CCDC157: variants seen among roughly 807,000 people sequenced by gnomAD.
CCDC157 encodes the protein coiled-coil domain-containing protein 157.
Under a neutral mutation model 70.9 loss-of-function variants are expected in CCDC157, and 60 were observed. The observed-to-expected ratio is 0.85, with a 90% confidence interval of 0.69 to 1.05. The LOEUF is 1.05. Among genes scored for constraint, CCDC157 ranks in the 50% least tolerant of loss-of-function variants. The probability of loss-of-function intolerance (pLI) is 0.00; values close to 1 mark genes in which losing one functional copy is unlikely to be tolerated. For missense variants in CCDC157, 943 were observed against 984.2 expected (o/e 0.96, Z 0.56); for synonymous variants, 373 against 422.4 (o/e 0.88, Z 1.43).
In CCDC157 at chr22:30,366,139, G is replaced by A. The variant is rs199951971; in HGVS notation, c.139G>A (p.Ala47Thr). 1 of 1,613,558 alleles carries A rather than the reference G, an allele frequency of 6.2e-7. No individual in the cohort carries two copies. Residue 47 changes from alanine to threonine, a missense_variant, in exon 3 of 12, where the codon GCC (alanine) becomes ACC (threonine). Coordinates refer to ENST00000338306, the MANE Select transcript of CCDC157 (RefSeq NM_001017437.5). ...CTCCTGGAAGTTCCCTGACCGCATG[G>A]CCTGTGACCTCGACATGGTGGCCCT... The part of the protein sequence containing the change: ...FPSWKFPDRM[A>T]CDLDMVALLE...
Position 30,375,562 on chromosome 22 carries a change from C to T in CCDC157, c.1756C>T (p.Gln586Ter), listed in dbSNP as rs1275344196. The T allele has an allele frequency of 1.2e-6, 2 of 1,614,082 alleles. No individual in the cohort carries two copies. The highest frequency in any genetic ancestry group is 3.3e-5 in the Admixed American group (2 of 60,010). ...NVTDHMERQV[Q>*]SNDIRIRVLQ... ...CACAGATCACATGGAGAGGCAAGTG[C>T]AGTCCAACGACATCCGCATCCGGGT... The change falls in exon 10 of 12, where the codon CAG (glutamine) becomes TAG (stop). Residue 586 changes from glutamine (Q) to a stop codon, truncating the protein, a stop_gained. Transcript: ENST00000338306. LOFTEE classifies it high-confidence loss of function.
Position 30,376,598 on chromosome 22 carries a change from G to A in CCDC157, c.2112G>A (p.Gln704=), listed in dbSNP as rs771688983. The A allele has an allele frequency of 1.2e-5, 20 of 1,612,296 alleles. 1 individual carries two copies. Among genetic ancestry groups the A allele is most frequent in the South Asian group, 3.3e-5 (3 of 91,056 alleles). ...CTSPSRQPCS[Q]PSKSLLEGVT... ...CCCCATCTCGGCAGCCCTGCAGCCA[G>A]CCCAGCAAGTCCTTGCTGGAGGGTG... The change falls in exon 12 of 12, where the codon CAG becomes CAA. Residue 704 remains glutamine (Q), a synonymous_variant. Coordinates refer to ENST00000338306, the MANE Select transcript of CCDC157 (RefSeq NM_001017437.5).
In CCDC157 at chr22:30,378,017, T is replaced by G. The variant is rs909176900; in HGVS notation, c.*1272T>G. The G allele has an allele frequency of 3.3e-5, 14 of 427,492 alleles. No individual in the cohort carries two copies. The highest frequency in any genetic ancestry group is 6.9e-5 in the Non-Finnish European group (14 of 203,074). 26.5% of individuals were successfully genotyped at this position (427,492 alleles called of 1,614,324 possible). A position where few individuals can be genotyped will look rare whatever the true frequency, so the allele number is the denominator to read the frequency against. ...GAATTGGCTTCCAAGCTCCACTTGT[T>G]GGCAGAATTCCGATCCTTGCGGCTG... is the stretch of plus-strand genomic sequence containing the variant. On this transcript the variant is annotated 3_prime_UTR_variant, in exon 12 of 12. Coordinates refer to ENST00000338306, the MANE Select transcript of CCDC157 (RefSeq NM_001017437.5).
intron 10 of CCDC157, 85 bp downstream of exon 10, chr22:30,375,748 T>C (rs1933307855): frequency 2.4e-6 from 3 of 1,230,390 alleles, no homozygotes; most frequent in Non-Finnish European, 3.4e-6. Flanking sequence ...CGGGAACTTG[T>C]GGAGAGCCCA....
At chr22:30,366,561 C>A (rs1310161390) in intron 3 of CCDC157, 1 of 427,000 alleles carries the variant, frequency 2.3e-6, no homozygotes, top group Non-Finnish European at 4.5e-6. Flanking sequence ...CCAGCTGCCT[C>A]CTCAGGGTTT....
intron 5 of CCDC157, chr22:30,371,428 C>A (rs546070583): frequency 1.7e-6 from 1 of 573,978 alleles, no homozygotes; most frequent in East Asian, 2.8e-5. Flanking sequence ...ATGGACGACA[C>A]CAAGGCCCAG....
At chr22:30,374,812 G>T (rs1230851695) in intron 9 of CCDC157, 1 of 450,582 alleles carries the variant, frequency 2.2e-6, no homozygotes. Context: ...AAAAGCAGGG[G>T]AAGAGCAGCC....
At chr22:30,368,022 G>C (rs747907765) in intron 3 of CCDC157, among the ~76,000 whole-genome samples, 14 of 152,298 alleles carry the variant, frequency 9.2e-5, no homozygotes, top group Non-Finnish European at 1.8e-4. Context: ...TTGCACTCCA[G>C]CCTGGCGACA....
intron 10 of CCDC157, 140 bp downstream of exon 10, chr22:30,375,803 T>C (rs1266654499): frequency 2.7e-6 from 2 of 743,896 alleles, no homozygotes; most frequent in Admixed American, 3.1e-5. Flanking sequence ...GAAACATTTT[T>C]CACATTTCCA....
Position 30,373,592 on chromosome 22 carries a change from C to T in CCDC157, c.1336-5C>T, listed in dbSNP as rs1413544660. The T allele has an allele frequency of 5.2e-6, 8 of 1,553,392 alleles. No individual in the cohort carries two copies. The highest frequency in any genetic ancestry group is 7.0e-6 in the Non-Finnish European group (8 of 1,147,990). On this transcript the variant is annotated splice_region_variant and splice_polypyrimidine_tract_variant and intron_variant, in intron 7 of 11. Transcript: ENST00000338306. ...CAGCCTCCCTGCTTGTCCGTTCCTG[C>T]TTAGTCTCTGCAGGCCAAGCAGCGA...
Position 30,378,292 on chromosome 22 carries a change from C to A in CCDC157, c.*1547C>A. 1 of 389,596 alleles carries A rather than the reference C, an allele frequency of 2.6e-6. No individual in the cohort carries two copies. Among genetic ancestry groups the A allele is most frequent in the Non-Finnish European group, 5.3e-6 (1 of 187,536 alleles). 24.1% of individuals were successfully genotyped at this position (389,596 alleles called of 1,614,324 possible). On this transcript the variant is annotated 3_prime_UTR_variant, in exon 12 of 12. Transcript: ENST00000338306. The stretch of plus-strand genomic sequence containing the variant: ...CACACTCAAATACTTTCCCTATCTT[C>A]AGGTCAGCTTGCTATAAGACAGAAC...
At chr22:30,368,341 G>A (rs1000471745) in intron 3 of CCDC157, among the ~76,000 whole-genome samples, 3 of 152,196 alleles carry the variant, frequency 2.0e-5, no homozygotes, top group African/African-American at 7.2e-5. Context: ...TTACCCAGCC[G>A]CTTCTCTGTG....
At chr22:30,374,860 G>A (rs969266563) in intron 9 of CCDC157, 18 of 417,488 alleles carry the variant, frequency 4.3e-5, no homozygotes, top group Admixed American at 1.5e-4. Flanking sequence ...TGAGCTGGCC[G>A]TGTGACCTTG....
Position 30,376,798 on chromosome 22 carries a change from G to A in CCDC157, c.*53G>A, listed in dbSNP as rs1419609156. The A allele has an allele frequency of 3.3e-6, 5 of 1,533,056 alleles. No individual in the cohort carries two copies. Among genetic ancestry groups the A allele is most frequent in the Non-Finnish European group, 2.7e-6 (3 of 1,125,030 alleles). The allele number at this position is 1,533,056 out of a possible 1,614,324, so 95.0% of individuals were successfully genotyped here. On this transcript the variant is annotated 3_prime_UTR_variant, in exon 12 of 12. Transcript: ENST00000338306. ...GGAGGTGGCTGGCAGCCCACCCACT[G>A]TAATAAAGCCCCAGCCATTGGCCCA...
chr22:30,374,185 T>A (rs1351272566), intron 9 of CCDC157, 94 bp downstream of exon 9: 2 of 1,423,308 alleles, frequency 1.4e-6, no homozygotes, highest in Non-Finnish European at 1.9e-6. Flanking sequence ...TGCAGCTCCC[T>A]AGCCTGCAGC....
At position 30,374,308 on chromosome 22, in the gene CCDC157, T is replaced by C. The variant is rs1385832952; in HGVS notation, c.1672+217T>C. 5 of 648,404 alleles carry C rather than the reference T, an allele frequency of 7.7e-6. No homozygotes were observed. The African/African-American group carries it at 8.9e-5, about 12-fold the overall frequency. The allele number at this position is 648,404 out of a possible 1,614,324, so 40.2% of individuals were successfully genotyped here. A position where few individuals can be genotyped will look rare whatever the true frequency, so the allele number is the denominator to read the frequency against. ...AGACAGGGACGTGAAAGCCCAACAGTGATGTGACTGCCTCTAGTCACAACA... is the reference window on the plus strand; with the variant it reads ...AGACAGGGACGTGAAAGCCCAACAGCGATGTGACTGCCTCTAGTCACAACA... On this transcript the variant is annotated intron_variant, in intron 9 of 11. Transcript: ENST00000338306.
In CCDC157 at chr22:30,371,637, T is replaced by A. The variant is rs1400578606; in HGVS notation, c.1046-13T>A. On this transcript the variant is annotated splice_polypyrimidine_tract_variant and intron_variant, in intron 5 of 11. Coordinates refer to ENST00000338306, the MANE Select transcript of CCDC157 (RefSeq NM_001017437.5). The stretch of plus-strand genomic sequence containing the variant: ...TGGGACCCTCTGAAGGGCCTCTCTC[T>A]TGGCTGCCATAGAAACAAGTGACCT... The A allele has an allele frequency of 2.5e-6, 4 of 1,612,258 alleles. No individual in the cohort carries two copies. In the East Asian group the frequency reaches 8.9e-5, roughly 36 times the overall value.
chr22:30,376,583 G>GCAGCCCTGCAGC lies in CCDC157; in HGVS notation c.2104_2115dup (p.Cys702_Pro705dup). On this transcript the variant is annotated inframe_insertion, in exon 12 of 12. Transcript: ENST00000338306. ...GGCAGCCCTGCACATCCCCATCTCGGCAGCCCTGCAGCCAGCCCAGCAAGT... is the reference window on the plus strand; with the variant it reads ...GGCAGCCCTGCACATCCCCATCTCGGCAGCCCTGCAGCCAGCCCTGCAGCCAGCCCAGCAAGT... 3 of 1,613,616 alleles carry GCAGCCCTGCAGC rather than the reference G, an allele frequency of 1.9e-6. No homozygotes were observed. Among genetic ancestry groups the GCAGCCCTGCAGC allele is most frequent in the Non-Finnish European group, 8.5e-7 (1 of 1,179,952 alleles).
At chr22:30,374,456 C>T (rs1033736232) in intron 9 of CCDC157, 4 of 478,942 alleles carry the variant, frequency 8.4e-6, no homozygotes, top group African/African-American at 7.8e-5. Flanking sequence ...CCCCAAACCA[C>T]ACCATGGGAC....
Sources: allele counts gnomAD v4.1 joint callset (sites outside exome capture counted in the v4.1 genomes callset), GRCh38; gene constraint gnomAD v4.1.1; transcripts MANE v1.5; gene names NCBI Gene and HGNC (gene_info 2026-07-23, HGNC 2026-07-21).